Variants in SPAG16 observed in about 807,000 individuals in gnomAD.
SPAG16 encodes sperm associated antigen 16.
SPAG16 carries 86 observed loss-of-function variants against 80.4 expected under a neutral mutation model. The observed-to-expected ratio is 1.07, with a 90% confidence interval of 0.90 to 1.28. The LOEUF (loss-of-function observed/expected upper bound fraction) is 1.28. Among genes scored for constraint, SPAG16 ranks in the 50% most tolerant of loss-of-function variants. The pLI, the probability that SPAG16 is intolerant of heterozygous loss-of-function variation, is 0.00. For missense variants in SPAG16, 870 were observed against 765.3 expected (o/e 1.14, Z -1.61); for synonymous variants, 294 against 265.9 (o/e 1.11, Z -1.03).
intron 7 of SPAG16, among the ~76,000 whole-genome samples, chr2:213,363,508 A>C (rs1206657018): frequency 1.3e-5 from 2 of 152,150 alleles, no homozygotes; most frequent in Non-Finnish European, 2.9e-5. Context: ...AAGATGAAAT[A>C]GCTTTTCAAG....
intron 13 of SPAG16, among the ~76,000 whole-genome samples, chr2:214,071,079 C>G (rs1011413797): frequency 6.6e-6 from 1 of 152,130 alleles, no homozygotes; most frequent in African/African-American, 2.4e-5. Flanking sequence ...GGAAAGGAGT[C>G]TATCCACACA....
At chr2:213,838,633 A>G (rs950404779) in intron 10 of SPAG16, among the ~76,000 whole-genome samples, 4 of 152,214 alleles carry the variant, frequency 2.6e-5, no homozygotes, top group African/African-American at 9.6e-5. Flanking sequence ...ACCTTTTTCT[A>G]TAAAATAGGA....
At chr2:213,684,089 C>A (rs2064534108) in intron 10 of SPAG16, among the ~76,000 whole-genome samples, 1 of 152,170 alleles carries the variant, frequency 6.6e-6, no homozygotes, top group Non-Finnish European at 1.5e-5. Context: ...GTCAGCATTG[C>A]CTGTCAGATT....
intron 12 of SPAG16, among the ~76,000 whole-genome samples, chr2:213,966,702 T>C (rs2044728439): frequency 6.6e-6 from 1 of 152,204 alleles, no homozygotes; most frequent in South Asian, 2.1e-4. Flanking sequence ...TTAAAAATAG[T>C]GATGCCTTTT....
intron 10 of SPAG16, among the ~76,000 whole-genome samples, chr2:213,775,849 T>C (rs975639797): frequency 6.6e-6 from 1 of 152,382 alleles, no homozygotes; most frequent in Admixed American, 6.5e-5. Flanking sequence ...TTTTTGGTTT[T>C]ATTTGTGTAT....
chr2:213,718,499 A>G (rs2066350792), intron 10 of SPAG16, among the ~76,000 whole-genome samples: 1 of 152,180 alleles, frequency 6.6e-6, no homozygotes, highest in South Asian at 2.1e-4. Context: ...AGGGAGAGGC[A>G]CCAGCGGGAA....
chr2:213,561,314 G>T (rs2059592879), intron 10 of SPAG16, among the ~76,000 whole-genome samples: 1 of 152,132 alleles, frequency 6.6e-6, no homozygotes, highest in African/African-American at 2.4e-5. Flanking sequence ...TGATTTCAAT[G>T]AATAGACTTT....
At chr2:213,936,427 G>A (rs761296685) in intron 12 of SPAG16, among the ~76,000 whole-genome samples, 1 of 152,162 alleles carries the variant, frequency 6.6e-6, no homozygotes, top group African/African-American at 2.4e-5. Flanking sequence ...TCTGGCTACT[G>A]TTTTGAGATT....
chr2:213,310,985 G>A (rs971934975), intron 4 of SPAG16, among the ~76,000 whole-genome samples: 2 of 151,676 alleles, frequency 1.3e-5, no homozygotes, highest in Admixed American at 6.6e-5. Flanking sequence ...GATAATTTGC[G>A]ATTTTTACTC....
At chr2:214,319,513 A>C (rs1287033298) in intron 15 of SPAG16, among the ~76,000 whole-genome samples, 1 of 152,116 alleles carries the variant, frequency 6.6e-6, no homozygotes, top group East Asian at 1.9e-4. Flanking sequence ...AAAAAAAAAA[A>C]AAAAACTATA....
At chr2:213,544,446 A>T (rs1301420411) in intron 10 of SPAG16, among the ~76,000 whole-genome samples, 1 of 152,080 alleles carries the variant, frequency 6.6e-6, no homozygotes, top group Admixed American at 6.6e-5. Flanking sequence ...CCCCACACGT[A>T]CATAGCCTCC....
At chr2:213,755,414 T>A (rs1417678572) in intron 10 of SPAG16, among the ~76,000 whole-genome samples, 2 of 152,122 alleles carry the variant, frequency 1.3e-5, no homozygotes, top group African/African-American at 4.8e-5. Flanking sequence ...ATTAAAAAAA[T>A]AAAATCCTGG....
chr2:213,942,856 A>G (rs1444983671), intron 12 of SPAG16, among the ~76,000 whole-genome samples: 2 of 152,172 alleles, frequency 1.3e-5, no homozygotes, highest in Non-Finnish European at 2.9e-5. Context: ...TCCAAAACTC[A>G]TATGTTAAAG....
intron 10 of SPAG16, among the ~76,000 whole-genome samples, chr2:213,674,705 G>T (rs985283863): frequency 6.7e-6 from 1 of 150,248 alleles, no homozygotes; most frequent in Non-Finnish European, 1.5e-5. Context: ...CCCTACAAAG[G>T]ACGTGAACTC....
At chr2:214,174,476 C>T (rs1381960690) in intron 15 of SPAG16, among the ~76,000 whole-genome samples, 1 of 151,956 alleles carries the variant, frequency 6.6e-6, no homozygotes, top group East Asian at 1.9e-4. Context: ...AACTCCCATT[C>T]ACAATTGCTT....
intron 10 of SPAG16, among the ~76,000 whole-genome samples, chr2:213,574,143 G>T (rs1303971387): frequency 6.6e-6 from 1 of 152,102 alleles, no homozygotes; most frequent in Non-Finnish European, 1.5e-5. Flanking sequence ...TTCTCTACTT[G>T]TAGGTTATAT....
chr2:213,905,266 G>A (rs903816502), intron 11 of SPAG16, among the ~76,000 whole-genome samples: 13 of 152,172 alleles, frequency 8.5e-5, no homozygotes, highest in Admixed American at 7.9e-4. Flanking sequence ...TATGTGGTTG[G>A]GGATATGCTA....
chr2:213,539,142 G>T (rs1281152395), intron 10 of SPAG16, among the ~76,000 whole-genome samples: 1 of 152,108 alleles, frequency 6.6e-6, no homozygotes, highest in Non-Finnish European at 1.5e-5. Flanking sequence ...TGAATTTATG[G>T]TGAAGAGGCA....
chr2:213,347,343 G>T (rs2125018521), intron 6 of SPAG16, among the ~76,000 whole-genome samples: 1 of 152,230 alleles, frequency 6.6e-6, no homozygotes, highest in East Asian at 1.9e-4. Context: ...TCAGCTCCTG[G>T]ATTCATTGAT....
Sources: gnomAD v4.1 joint callset for allele counts (sites outside exome capture counted in the v4.1 genomes callset) on GRCh38, gnomAD v4.1.1 for gene constraint, MANE v1.5 for transcripts, NCBI Gene and HGNC (gene_info 2026-07-23, HGNC 2026-07-21) for gene names.